Variants in MCMBP observed in about 807,000 individuals in gnomAD.
MCMBP encodes the protein mini-chromosome maintenance complex-binding protein.
MCMBP carries 31 observed loss-of-function variants against 81.3 expected under a neutral mutation model. The observed-to-expected ratio is 0.38, with a 90% confidence interval of 0.29 to 0.51. The LOEUF (loss-of-function observed/expected upper bound fraction) is 0.51, where lower values mean the gene tolerates loss of function less well. Among genes scored for constraint, MCMBP ranks in the 20% least tolerant of loss-of-function variants. The probability of loss-of-function intolerance (pLI) is 0.87; values close to 1 mark genes in which losing one functional copy is unlikely to be tolerated. For synonymous variants in MCMBP, 267 were observed against 275.9 expected (o/e 0.97, Z 0.32); for missense variants, 645 against 772.1 (o/e 0.84, Z 1.95).
At chr10:119,854,952 C>CAAAAAAAAAAA (rs748009891) in intron 5 of MCMBP, among the ~76,000 whole-genome samples, 1 of 144,220 alleles carries the variant, frequency 6.9e-6, no homozygotes, top group East Asian at 2.0e-4. Flanking sequence ...GACTCTGCCT[C>CAAAAAAAAAAA]AAAAAAAAAA....
At chr10:119,852,435 G>A (rs943148124) in intron 6 of MCMBP, among the ~76,000 whole-genome samples, 1 of 152,240 alleles carries the variant, frequency 6.6e-6, no homozygotes, top group African/African-American at 2.4e-5. Context: ...ATGGCTTTGG[G>A]AGGCTGATAT....
chr10:119,843,788 A>C (rs1268471218), intron 8 of MCMBP, among the ~76,000 whole-genome samples: 1 of 151,966 alleles, frequency 6.6e-6, no homozygotes. Flanking sequence ...CAGCCTCCTG[A>C]GTAGCTGAGA....
chr10:119,839,826 TATCGAAACC>T (rs1358640113), intron 11 of MCMBP, among the ~76,000 whole-genome samples: 1 of 152,214 alleles, frequency 6.6e-6, no homozygotes, highest in Non-Finnish European at 1.5e-5. Flanking sequence ...CTGCAAAGGC[TATCGAAACC>T]ATCCTTCCTT....
At chr10:119,854,230 C>G (rs926588234) in intron 5 of MCMBP, among the ~76,000 whole-genome samples, 1 of 151,740 alleles carries the variant, frequency 6.6e-6, no homozygotes, top group Non-Finnish European at 1.5e-5. Context: ...TTTGTAGAGA[C>G]AGAGTATTGC....
At chr10:119,844,484 T>C (rs1484582744) in intron 8 of MCMBP, among the ~76,000 whole-genome samples, 1 of 152,132 alleles carries the variant, frequency 6.6e-6, no homozygotes, top group African/African-American at 2.4e-5. Context: ...TTATTTACAA[T>C]GAGGAAACCA....
At chr10:119,844,959 TG>T (rs1200376565) in intron 8 of MCMBP, among the ~76,000 whole-genome samples, 2 of 152,214 alleles carry the variant, frequency 1.3e-5, no homozygotes, top group Admixed American at 1.3e-4. Context: ...GGACTCAGGC[TG>T]GCTTCCTTGC....
chr10:119,867,567 C>T (rs1443831932), intron 1 of MCMBP, among the ~76,000 whole-genome samples: 3 of 152,098 alleles, frequency 2.0e-5, no homozygotes, highest in Non-Finnish European at 4.4e-5. Flanking sequence ...GAATGGATTC[C>T]TGACTCCATG....
chr10:119,869,174 G>C (rs528083151), intron 1 of MCMBP, among the ~76,000 whole-genome samples: 1 of 152,214 alleles, frequency 6.6e-6, no homozygotes, highest in East Asian at 1.9e-4. Context: ...GGTCGGGCGC[G>C]GTGGCTCACG....
upstream of MCMBP, chr10:119,873,564 T>C (rs556810485): frequency 6.6e-6 from 1 of 152,322 alleles, no homozygotes; most frequent in East Asian, 1.9e-4. Context: ...GCCGCTAGGA[T>C]ACCCTGGAGA....
chr10:119,836,973 C>G lies in MCMBP; in HGVS notation c.1465G>C (p.Asp489His). ...AATTCCATCTGATGGTAGCTGAAGT[C>G]ATAATCCACCTTCTGCCACGTTATG... ...NLITWQKVDY[D>H]FSYHQMEFPC... is the part of the protein sequence containing the mutation. The change falls in exon 13 of 16, where the codon GAC becomes CAC. Residue 489 changes from aspartate to histidine, a missense_variant. Physicochemically the swap from Asp to His is moderately conservative, Grantham distance 81. Coordinates refer to ENST00000369077, the MANE Select transcript of MCMBP (RefSeq NM_001256378.2). The G allele has an allele frequency of 6.2e-7, 1 of 1,613,748 alleles. No homozygotes were observed.
intron 1 of MCMBP, 130 bp from the exon 2 acceptor site, chr10:119,860,014 T>A: frequency 9.5e-5 from 53 of 555,642 alleles, no homozygotes; most frequent in Non-Finnish European, 1.4e-4. Flanking sequence ...ATAGAATGAA[T>A]TTTTAGATAG....
chr10:119,836,847 G>T, intron 13 of MCMBP, 49 bp downstream of exon 13: 1 of 1,293,154 alleles, frequency 7.7e-7, no homozygotes, highest in Non-Finnish European at 1.0e-6. Context: ...AAAAATGTAG[G>T]TATTTTTCCA....
At position 119,840,935 on chromosome 10, in the gene MCMBP, G is replaced by A. The variant is rs746303503; in HGVS notation, c.1150C>T (p.Leu384=). 3 of 1,607,838 alleles carry A rather than the reference G, an allele frequency of 1.9e-6. No homozygotes were observed. The highest frequency in any genetic ancestry group is 1.3e-5 in the African/African-American group (1 of 74,754). Reference sequence around the variant, plus strand: ...CTCAAGTTAACTGTAAATTTTCCTAGTGGAAGGACATCTCTTCTTGTATAT... The same window carrying A: ...CTCAAGTTAACTGTAAATTTTCCTAATGGAAGGACATCTCTTCTTGTATAT... ...TVYTRRDVLP[L]GKFTVNLSGC... The change falls in exon 11 of 16, where the codon CTA becomes TTA. Residue 384 remains leucine, a synonymous_variant. Coordinates refer to ENST00000369077, the MANE Select transcript of MCMBP (RefSeq NM_001256378.2).
chr10:119,846,209 C>T (rs925612584), intron 8 of MCMBP, among the ~76,000 whole-genome samples: 4 of 152,076 alleles, frequency 2.6e-5, no homozygotes, highest in African/African-American at 7.2e-5. Context: ...AAAAAGGACC[C>T]GGCACCTGCT....
chr10:119,872,462 G>A (rs1589807465), intron 1 of MCMBP, 65 bp downstream of exon 1: 3 of 1,007,566 alleles, frequency 3.0e-6, no homozygotes, highest in Non-Finnish European at 2.5e-6. Context: ...GCGCGGCGGG[G>A]CCCTGCCCCG....
chr10:119,869,999 T>A (rs72826449), intron 1 of MCMBP, among the ~76,000 whole-genome samples: 16,504 of 152,284 alleles, frequency 0.11, 956 homozygotes, highest in South Asian at 0.17. Flanking sequence ...GGTGAATTTT[T>A]AATTTTGTGT....
At chr10:119,854,041 TTTTC>T (rs2134379285) in intron 5 of MCMBP, among the ~76,000 whole-genome samples, 1 of 147,188 alleles carries the variant, frequency 6.8e-6, no homozygotes, top group South Asian at 2.2e-4. Context: ...TCTTTTTTCC[TTTTC>T]TTTTTTTTTT....
At chr10:119,833,648 G>A (rs1190800033) in intron 14 of MCMBP, among the ~76,000 whole-genome samples, 2 of 152,120 alleles carry the variant, frequency 1.3e-5, no homozygotes, top group Admixed American at 1.3e-4. Context: ...TCCAGCCTGG[G>A]TGATACAGTG....
intron 13 of MCMBP, among the ~76,000 whole-genome samples, chr10:119,836,192 A>C (rs1245242694): frequency 8.5e-5 from 13 of 152,240 alleles, no homozygotes; most frequent in African/African-American, 2.7e-4. Context: ...ATAATTATGA[A>C]AGCTTTTTCT....
Sources: allele counts gnomAD v4.1 joint callset (sites outside exome capture counted in the v4.1 genomes callset), GRCh38; gene constraint gnomAD v4.1.1; transcripts MANE v1.5; gene names NCBI Gene and HGNC (gene_info 2026-07-23, HGNC 2026-07-21).